FAM76A: variants seen among roughly 807,000 people sequenced by gnomAD.
FAM76A encodes the protein family with sequence similarity 76 member A.
A neutral mutation model predicts 46.2 loss-of-function variants in FAM76A; 32 were observed. The observed-to-expected ratio is 0.69, with a 90% confidence interval of 0.52 to 0.93. The LOEUF is 0.93. Ranked by LOEUF, FAM76A falls within the 40% of genes least tolerant of loss-of-function variation. The pLI is 0.00. For synonymous variants in FAM76A, 137 were observed against 127.0 expected (o/e 1.08, Z -0.53); for missense variants, 274 against 361.5 (o/e 0.76, Z 1.96).
At chr1:27,755,354 T>A in intron 7 of FAM76A, 24 bp downstream of exon 7, 1 of 1,613,298 alleles carries the variant, frequency 6.2e-7, no homozygotes, top group Non-Finnish European at 8.5e-7. Context: ...AATTCCTCTC[T>A]GACCAGAATG....
rs1553179887 is a variant in FAM76A at position 27,759,779 on chromosome 1, G to GTTTTTTTGTTTGT, written c.837+159_837+160insGTTTGTTTTTTTT. Reference sequence around the variant, plus strand: ...TCCCCCTTTTAGGTTTTTTTTTTTTGTTTTTTTTTTGAGACAGGTTCTCTG... The same window carrying GTTTTTTTGTTTGT: ...TCCCCCTTTTAGGTTTTTTTTTTTTGTTTTTTTGTTTGTTTTTTTTTTTGAGACAGGTTCTCTG... On this transcript the variant is annotated intron_variant, in intron 8 of 8. Transcript: ENST00000373954. 10 of 363,574 alleles carry GTTTTTTTGTTTGT rather than the reference G, an allele frequency of 2.8e-5. No homozygotes were observed. The African/African-American group carries it at 3.0e-4, about 11-fold the overall frequency. 22.5% of individuals were successfully genotyped at this position (363,574 alleles called of 1,614,324 possible).
rs140152174 is a variant in FAM76A, at chr1:27,754,704, G to A, written c.600-491G>A. On this transcript the variant is annotated intron_variant, in intron 6 of 8. Coordinates refer to ENST00000373954, the MANE Select transcript of FAM76A (RefSeq NM_152660.3). ...CTGGGTGGGAATCCAGCAGCTTCTC[G>A]GCAGATACACTGACTGCATTGCGGT... Among the ~76,000 whole-genome samples, 454 of 152,194 alleles carry A rather than the reference G, an allele frequency of 3.0e-3. 7 individuals carry two copies. Among genetic ancestry groups the A allele is most frequent in the South Asian group, 0.02 (94 of 4,816 alleles).
In FAM76A at chr1:27,759,623, T is replaced by A. The variant is rs2088469521; in HGVS notation, c.833T>A (p.Leu278Gln). ...EKTHKEVTEQ[L>Q]QAKNRELLKQ... ...ACCCACAAAGAAGTCACAGAACAAC[T>A]GCAGGTGACTGACTCTGCTTATTTT... The change falls in exon 8 of 9, where the codon CTG (leucine) becomes CAG (glutamine). Residue 278 changes from leucine (L) to glutamine (Q), a missense_variant. Coordinates refer to ENST00000373954, the MANE Select transcript of FAM76A (RefSeq NM_152660.3). 6.2e-7 allele frequency: 1 copy of A among 1,608,352 alleles called. No homozygotes were observed. The highest frequency in any genetic ancestry group is 1.7e-5 in the Admixed American group (1 of 59,790).
At chr1:27,759,777 T>G in intron 8 of FAM76A, 150 bp downstream of exon 8, 9 of 613,294 alleles carry the variant, frequency 1.5e-5, no homozygotes, top group South Asian at 4.2e-5. Context: ...TTTTTTTTTT[T>G]TGTTTTTTTT....
At chr1:27,730,951 C>T (rs1022519152) in intron 2 of FAM76A, among the ~76,000 whole-genome samples, 1 of 152,122 alleles carries the variant, frequency 6.6e-6, no homozygotes, top group Non-Finnish European at 1.5e-5. Flanking sequence ...GCATGAGCCA[C>T]TGTGCCTGGC....
rs558870998 is a variant in FAM76A, at chr1:27,747,944, C to G, written c.513-1124C>G. Among the ~76,000 whole-genome samples the G allele has an allele frequency of 2.8e-4, 43 of 151,600 alleles. No individual in the cohort carries two copies. In the South Asian group the frequency reaches 9.0e-3, roughly 32 times the overall value. Reference sequence around the variant, plus strand: ...CAAAAAAATAAAAATAAAAATAAAACTAGACTAGGAGTTCAAATATATTGA... The same window carrying G: ...CAAAAAAATAAAAATAAAAATAAAAGTAGACTAGGAGTTCAAATATATTGA... On this transcript the variant is annotated intron_variant, in intron 5 of 8. Transcript: ENST00000373954.
chr1:27,744,320 G>A (rs183258074), intron 4 of FAM76A, among the ~76,000 whole-genome samples: 6 of 152,086 alleles, frequency 3.9e-5, no homozygotes, highest in Middle Eastern at 3.4e-3. Context: ...GTAGAGACGG[G>A]GTTTCACCAC....
chr1:27,734,236 G>T (rs922500150), intron 4 of FAM76A, 53 bp downstream of exon 4: 5 of 1,531,628 alleles, frequency 3.3e-6, no homozygotes, highest in Non-Finnish European at 4.4e-6. Flanking sequence ...AAATTAAGGT[G>T]GACTAACTGT....
chr1:27,737,495 G>A (rs145153555), intron 4 of FAM76A, among the ~76,000 whole-genome samples: 3 of 151,784 alleles, frequency 2.0e-5, no homozygotes, highest in East Asian at 1.9e-4. Context: ...TGGGCGGATC[G>A]CTTGAGGCCA....
chr1:27,759,389 C>T lies in FAM76A; in HGVS notation c.736-137C>T, dbSNP rs1388233269. The T allele has an allele frequency of 2.2e-5, 12 of 539,396 alleles. No individual in the cohort carries two copies. In the East Asian group the frequency reaches 2.8e-4, roughly 12 times the overall value. 33.4% of individuals were successfully genotyped at this position (539,396 alleles called of 1,614,324 possible). Reference sequence around the variant, plus strand: ...TTAGAGAAAAAGAGGGTGTGGAATTCCCTGGTTTTGATTTAGATACGGATC... The same window carrying T: ...TTAGAGAAAAAGAGGGTGTGGAATTTCCTGGTTTTGATTTAGATACGGATC... On this transcript the variant is annotated intron_variant, in intron 7 of 8. Coordinates refer to ENST00000373954, the MANE Select transcript of FAM76A (RefSeq NM_152660.3).
rs1018654195 is a variant in FAM76A at position 27,750,425 on chromosome 1, G to A, written c.599+1271G>A. Among the ~76,000 whole-genome samples the A allele has an allele frequency of 5.3e-5, 8 of 152,194 alleles. No individual in the cohort carries two copies. In the East Asian group the frequency reaches 1.3e-3, roughly 26 times the overall value. On this transcript the variant is annotated intron_variant, in intron 6 of 8. Coordinates refer to ENST00000373954, the MANE Select transcript of FAM76A (RefSeq NM_152660.3). Reference sequence around the variant, plus strand: ...AGCTTTACTGTTCTCTCATAAGCTAGTCTGGCCATTGTGAAGAAAGGGATG... The same window carrying A: ...AGCTTTACTGTTCTCTCATAAGCTAATCTGGCCATTGTGAAGAAAGGGATG...
intron 4 of FAM76A, among the ~76,000 whole-genome samples, chr1:27,743,917 G>T (rs2088197233): frequency 6.6e-6 from 1 of 151,672 alleles, no homozygotes; most frequent in Non-Finnish European, 1.5e-5. Context: ...TTCTAGTCTG[G>T]GTGAGTGAGA....
chr1:27,739,564 A>T, intron 4 of FAM76A: 1 of 320,548 alleles, frequency 3.1e-6, no homozygotes. Flanking sequence ...AGGCAGGTGG[A>T]TCACTTGAGC....
intron 6 of FAM76A, among the ~76,000 whole-genome samples, 196 bp downstream of exon 6, chr1:27,749,350 T>C (rs2148582042): frequency 6.6e-6 from 1 of 152,318 alleles, no homozygotes; most frequent in African/African-American, 2.4e-5. Flanking sequence ...TTAATAGCAA[T>C]TGAATTCTGC....
chr1:27,732,764 T>C, intron 3 of FAM76A, 107 bp downstream of exon 3: 1 of 758,470 alleles, frequency 1.3e-6, no homozygotes, highest in Non-Finnish European at 2.1e-6. Flanking sequence ...AATAAATGGT[T>C]ATGTGTAATA....
At chr1:27,728,119 A>G (rs974589708) in intron 2 of FAM76A, among the ~76,000 whole-genome samples, 1 of 150,984 alleles carries the variant, frequency 6.6e-6, no homozygotes, top group East Asian at 2.0e-4. Flanking sequence ...TTAAATTTTT[A>G]AAGTTCTTTT....
At chr1:27,753,506 C>T (rs2088363204) in intron 6 of FAM76A, among the ~76,000 whole-genome samples, 1 of 152,212 alleles carries the variant, frequency 6.6e-6, no homozygotes, top group Non-Finnish European at 1.5e-5. Flanking sequence ...TTCTCCTGCA[C>T]ACCTTGTTTT....
chr1:27,759,763 T>C (rs1009520131), intron 8 of FAM76A, 136 bp downstream of exon 8: 3 of 681,020 alleles, frequency 4.4e-6, no homozygotes, highest in African/African-American at 2.0e-5. Flanking sequence ...ATCCCCCTTT[T>C]AGGTTTTTTT....
Position 27,755,116 on chromosome 1 carries a change from G to A in FAM76A, c.600-79G>A, listed in dbSNP as rs888850884. On this transcript the variant is annotated intron_variant, in intron 6 of 8. Transcript: ENST00000373954. ...CTGCCCTTTAGGAGCTTGCAGACAA[G>A]TGGTCTAGGATGCATCCTCAGGTAG... 7 of 1,509,024 alleles carry A rather than the reference G, an allele frequency of 4.6e-6. No homozygotes were observed. In the African/African-American group the frequency reaches 9.7e-5, roughly 21 times the overall value. The allele number at this position is 1,509,024 out of a possible 1,614,324, so 93.5% of individuals were successfully genotyped here.
Sources: allele counts gnomAD v4.1 joint callset (sites outside exome capture counted in the v4.1 genomes callset), GRCh38; gene constraint gnomAD v4.1.1; transcripts MANE v1.5; gene names NCBI Gene and HGNC (gene_info 2026-07-23, HGNC 2026-07-21).